The following KPNA4 variants were observed in gnomAD, a reference collection of about 807,000 sequenced individuals.
The protein encoded by KPNA4 is karyopherin subunit alpha 4.
In KPNA4, 13 loss-of-function variants were observed where a neutral mutation model predicts 71.3. That is an observed-to-expected ratio of 0.18 (90% CI 0.12 to 0.29). The LOEUF is 0.29. Ranked by LOEUF, KPNA4 falls within the 10% of genes least tolerant of loss-of-function variation. The pLI, the probability that KPNA4 is intolerant of heterozygous loss-of-function variation, is 1.00. For synonymous variants in KPNA4, 189 were observed against 195.2 expected, an observed-to-expected ratio of 0.97 and a Z score of 0.26; for missense variants, 334 against 603.2, an observed-to-expected ratio of 0.55 and a Z score of 4.67.
In KPNA4 at chr3:160,527,936, A is replaced by C. The variant is rs1721493431; in HGVS notation, c.556+17T>G. On this transcript the variant is annotated intron_variant, in intron 8 of 16. Coordinates refer to ENST00000334256, the MANE Select transcript of KPNA4 (RefSeq NM_002268.5). The stretch of plus-strand genomic sequence containing the variant: ...TGATAACAATTTTTAGACTAGTATT[A>C]CAAGTTTTATACAAACCTATGATAT... 1 of 1,584,366 alleles carries C rather than the reference A, an allele frequency of 6.3e-7. No homozygotes were observed. The highest frequency in any genetic ancestry group is 1.3e-5 in the African/African-American group (1 of 74,254).
chr3:160,530,998 C>T, intron 6 of KPNA4, 58 bp from the exon 7 acceptor site: 1 of 1,108,458 alleles, frequency 9.0e-7, no homozygotes, highest in Non-Finnish European at 1.4e-6. Context: ...GGCCAAATAT[C>T]TAACCATTCT....
chr3:160,538,148 T>A (rs981134869), intron 1 of KPNA4, among the ~76,000 whole-genome samples: 1 of 148,914 alleles, frequency 6.7e-6, no homozygotes, highest in African/African-American at 2.5e-5. Context: ...TATATATGTA[T>A]ATATATGTAT....
intron 1 of KPNA4, among the ~76,000 whole-genome samples, chr3:160,551,308 T>C (rs1722036048): frequency 6.6e-6 from 1 of 152,188 alleles, no homozygotes; most frequent in Non-Finnish European, 1.5e-5. Flanking sequence ...TACAAAAACA[T>C]ATGAAAAGTA....
intron 1 of KPNA4, among the ~76,000 whole-genome samples, chr3:160,537,321 G>T (rs1024447033): frequency 2.7e-5 from 4 of 150,894 alleles, no homozygotes; most frequent in Admixed American, 6.6e-5. Context: ...ATTCTGACAC[G>T]TCTATCTATC....
At chr3:160,530,134 C>CAAAAAAA in intron 7 of KPNA4, among the ~76,000 whole-genome samples, 1 of 38,522 alleles carries the variant, frequency 2.6e-5, no homozygotes, top group Non-Finnish European at 6.0e-5. Context: ...GACTCCATCT[C>CAAAAAAA]AAAAAAAAAA....
chr3:160,556,670 A>AC lies in KPNA4; in HGVS notation c.69+8543dup, dbSNP rs1438477946. Among the ~76,000 whole-genome samples the AC allele has an allele frequency of 3.0e-4, 45 of 152,284 alleles. 1 individual carries two copies. The highest frequency in any genetic ancestry group is 2.6e-3 in the Admixed American group (40 of 15,300). On this transcript the variant is annotated intron_variant, in intron 1 of 16. Coordinates refer to ENST00000334256, the MANE Select transcript of KPNA4 (RefSeq NM_002268.5). ...CCAATGAGTGTTTCCTTTAAGCATC[A>AC]CGTAGGTGCTTAAAGTTTCAGATTT...
Position 160,565,194 on chromosome 3 carries a change from G to A in KPNA4, c.69+20C>T, listed in dbSNP as rs756310133. 4.4e-6 allele frequency: 7 copies of A among 1,584,874 alleles called. No individual in the cohort carries two copies. Among genetic ancestry groups the A allele is most frequent in the African/African-American group, 2.7e-5 (2 of 73,356 alleles). On this transcript the variant is annotated intron_variant, in intron 1 of 16. Coordinates refer to ENST00000334256, the MANE Select transcript of KPNA4 (RefSeq NM_002268.5). ...CCAGGCCCACAGCCCCCACCCCTCC[G>A]GCGTCGTCCCCGAGTTTACCTCCAA...
chr3:160,522,195 G>A (rs563185884), intron 10 of KPNA4, among the ~76,000 whole-genome samples: 21 of 152,202 alleles, frequency 1.4e-4, no homozygotes, highest in Non-Finnish European at 2.6e-4. Flanking sequence ...TAAAACAGGA[G>A]AAAAAGACAT....
At position 160,559,897 on chromosome 3, in the gene KPNA4, C is replaced by A. The variant is rs190820614; in HGVS notation, c.69+5317G>T. Among the ~76,000 whole-genome samples the A allele has an allele frequency of 1.8e-4, 27 of 152,080 alleles. No individual in the cohort carries two copies. The East Asian group carries it at 5.2e-3, about 29-fold the overall frequency. On this transcript the variant is annotated intron_variant, in intron 1 of 16. Transcript: ENST00000334256. ...ATGTATTTTTGGTTTTGAAAAATGTCCTTATTTTATAGATATCAATATACA... is the reference window on the plus strand; with the variant it reads ...ATGTATTTTTGGTTTTGAAAAATGTACTTATTTTATAGATATCAATATACA...
chr3:160,500,851 C>T lies in KPNA4; in HGVS notation c.*1253G>A, dbSNP rs1298544655. ...AATTCCATTTTAGAAGTTTCCATATCATTTTCATAGAAAACAAAGTTTGAA... is the reference window on the plus strand; with the variant it reads ...AATTCCATTTTAGAAGTTTCCATATTATTTTCATAGAAAACAAAGTTTGAA... On this transcript the variant is annotated 3_prime_UTR_variant, in exon 17 of 17. Transcript: ENST00000334256. The T allele has an allele frequency of 6.6e-6, 1 of 152,572 alleles. No individual in the cohort carries two copies. The highest frequency in any genetic ancestry group is 2.4e-5 in the African/African-American group (1 of 41,446). 9.5% of individuals were successfully genotyped at this position (152,572 alleles called of 1,614,324 possible).
chr3:160,543,871 T>TC (rs1038406219), intron 1 of KPNA4, among the ~76,000 whole-genome samples: 12 of 151,860 alleles, frequency 7.9e-5, no homozygotes, highest in African/African-American at 2.4e-4. Flanking sequence ...CTTTTTTTTT[T>TC]CCCAAGATGG....
At chr3:160,518,586 G>A (rs1167716995) in intron 11 of KPNA4, among the ~76,000 whole-genome samples, 10 of 151,352 alleles carry the variant, frequency 6.6e-5, no homozygotes, top group South Asian at 2.1e-4. Context: ...TTGGCCGGGC[G>A]CGGTGGCTCA....
At chr3:160,522,659 C>G (rs964576466) in intron 10 of KPNA4, among the ~76,000 whole-genome samples, 1 of 152,138 alleles carries the variant, frequency 6.6e-6, no homozygotes, top group Non-Finnish European at 1.5e-5. Context: ...GGGGTTTCAC[C>G]GTGTTAGCCA....
intron 1 of KPNA4, among the ~76,000 whole-genome samples, chr3:160,555,290 ATATAACTGGAAT>A (rs1193671926): frequency 6.6e-6 from 1 of 152,216 alleles, no homozygotes; most frequent in African/African-American, 2.4e-5. Context: ...ATCCTCTCAA[ATATAACTGGAAT>A]TATAGAGTGT....
At chr3:160,550,140 T>TCA (rs1371272169) in intron 1 of KPNA4, among the ~76,000 whole-genome samples, 1 of 152,240 alleles carries the variant, frequency 6.6e-6, no homozygotes, top group Non-Finnish European at 1.5e-5. Context: ...GGTGATTGTG[T>TCA]CATCTGTGAA....
At chr3:160,506,729 T>TA (rs1286108024) in intron 15 of KPNA4, among the ~76,000 whole-genome samples, 4 of 152,240 alleles carry the variant, frequency 2.6e-5, no homozygotes, top group Non-Finnish European at 5.9e-5. Flanking sequence ...AATCAAGTAG[T>TA]AAAAATAATT....
At chr3:160,502,684 A>G (rs551644097) in intron 16 of KPNA4, among the ~76,000 whole-genome samples, 1 of 152,270 alleles carries the variant, frequency 6.6e-6, no homozygotes, top group Non-Finnish European at 1.5e-5. Flanking sequence ...ACTTTTTCTT[A>G]AGGGATGCCA....
chr3:160,526,183 G>A, intron 8 of KPNA4, 76 bp from the exon 9 acceptor site: 1 of 1,040,972 alleles, frequency 9.6e-7, no homozygotes, highest in Non-Finnish European at 1.3e-6. Context: ...AAAGCACTGG[G>A]AATATGCTGC....
At chr3:160,522,597 A>G (rs1721373915) in intron 10 of KPNA4, among the ~76,000 whole-genome samples, 1 of 152,056 alleles carries the variant, frequency 6.6e-6, no homozygotes, top group South Asian at 2.1e-4. Context: ...AGCTGGGACT[A>G]CAGGCGCATG....
Sources: gnomAD v4.1 joint callset for allele counts (sites outside exome capture counted in the v4.1 genomes callset) on GRCh38, gnomAD v4.1.1 for gene constraint, MANE v1.5 for transcripts, NCBI Gene and HGNC (gene_info 2026-07-23, HGNC 2026-07-21) for gene names.